XIRP2: variants seen among roughly 807,000 people sequenced by gnomAD.
The protein encoded by XIRP2 is xin actin binding repeat containing 2.
XIRP2 carries 236 observed loss-of-function variants against 277.0 expected under a neutral mutation model. The observed-to-expected ratio is 0.85, with a 90% CI of 0.77 to 0.95. The LOEUF is 0.95. XIRP2 is among the 40% of genes least tolerant of loss of function. The pLI is 0.00. For missense variants in XIRP2, 4,640 were observed against 4,157.5 expected (o/e 1.12, Z -3.19); for synonymous variants, 1,490 against 1,416.5 (o/e 1.05, Z -1.17).
intron 2 of XIRP2, among the ~76,000 whole-genome samples, chr2:166,911,854 C>T (rs568272445): frequency 6.6e-6 from 1 of 152,102 alleles, no homozygotes; most frequent in Non-Finnish European, 1.5e-5. Context: ...TATTTTATTT[C>T]TCCTTCACTT....
intron 2 of XIRP2, among the ~76,000 whole-genome samples, chr2:167,000,954 G>A (rs1687349933): frequency 6.6e-6 from 1 of 152,280 alleles, no homozygotes; most frequent in East Asian, 1.9e-4. Context: ...GGCTGAGGCA[G>A]TAGGATAGCT....
chr2:167,123,622 G>A (rs561211643), intron 2 of XIRP2, among the ~76,000 whole-genome samples: 21 of 152,160 alleles, frequency 1.4e-4, no homozygotes, highest in South Asian at 6.2e-4. Flanking sequence ...GCCTCTCTCC[G>A]TGGCTTGCAG....
At position 167,103,863 on chromosome 2, in the gene XIRP2, T is replaced by C. The variant is rs540825114; in HGVS notation, c.409-32046T>C. The stretch of plus-strand genomic sequence containing the variant: ...GTGAAACTGCAGCCAATTTTAAATG[T>C]AGCTACCCTTATCACTAGACTCTAT... On this transcript the variant is annotated intron_variant, in intron 2 of 10. Transcript: ENST00000409195. Among the ~76,000 whole-genome samples, 28 of 150,610 alleles carry C rather than the reference T, an allele frequency of 1.9e-4. No individual in the cohort carries two copies. The South Asian group carries it at 6.1e-3, about 33-fold the overall frequency.
In XIRP2 at chr2:167,249,253, C is replaced by A; in HGVS notation, c.7861C>A (p.Leu2621Ile). 3 of 1,613,768 alleles carry A rather than the reference C, an allele frequency of 1.9e-6. No individual in the cohort carries two copies. The highest frequency in any genetic ancestry group is 1.1e-5 in the South Asian group (1 of 91,074). ...SPGSQSNARI[L>I]GVCSDNQLST... is the part of the protein sequence containing the mutation. ...AGGCTCTCAAAGTAATGCTCGGATA[C>A]TAGGAGTGTGTTCTGATAACCAACT... is the stretch of plus-strand genomic sequence containing the variant. The change falls in exon 9 of 11, where the codon CTA becomes ATA. Residue 2621 changes from leucine (L) to isoleucine (I), a missense_variant. Physicochemically the swap from Leu to Ile is conservative, Grantham distance 5 (BLOSUM62 2). Coordinates refer to ENST00000409195, the MANE Select transcript of XIRP2 (RefSeq NM_152381.6).
chr2:167,170,998 C>T (rs926209081), intron 3 of XIRP2, among the ~76,000 whole-genome samples: 1 of 146,750 alleles, frequency 6.8e-6, no homozygotes, highest in African/African-American at 2.5e-5. Context: ...CTCCAGGGTT[C>T]AAGTGATTCT....
Position 167,259,275 on chromosome 2 carries a change from C to T in XIRP2, c.*1458C>T. ...CTGAGCCATGAATGTACAGCTAAGC[C>T]TTTGTTTCCCAGAGTGGAGGTGCAG... On this transcript the variant is annotated 3_prime_UTR_variant, in exon 11 of 11. Transcript: ENST00000409195. 6.2e-7 allele frequency: 1 copy of T among 1,613,322 alleles called. No individual in the cohort carries two copies. Among genetic ancestry groups the T allele is most frequent in the Non-Finnish European group, 8.5e-7 (1 of 1,179,588 alleles).
chr2:167,039,824 G>C (rs1688614870), intron 2 of XIRP2, among the ~76,000 whole-genome samples: 1 of 152,076 alleles, frequency 6.6e-6, no homozygotes, highest in Non-Finnish European at 1.5e-5. Flanking sequence ...AAGGCAGTTT[G>C]GTAACGTATT....
intron 3 of XIRP2, among the ~76,000 whole-genome samples, chr2:167,197,995 G>A (rs375474837): frequency 9.9e-5 from 15 of 152,202 alleles, no homozygotes; most frequent in East Asian, 3.9e-4. Context: ...GCATAAATGC[G>A]TTCTTCCATG....
At chr2:167,008,721 C>T (rs1181067501) in intron 2 of XIRP2, among the ~76,000 whole-genome samples, 2 of 151,560 alleles carry the variant, frequency 1.3e-5, no homozygotes, top group Non-Finnish European at 3.0e-5. Flanking sequence ...AAACCTGAAA[C>T]TAAATAAGTA....
At chr2:167,005,492 G>A (rs1486077703) in intron 2 of XIRP2, among the ~76,000 whole-genome samples, 1 of 151,716 alleles carries the variant, frequency 6.6e-6, no homozygotes, top group Non-Finnish European at 1.5e-5. Flanking sequence ...TGAAAATGTT[G>A]AGAATTATTT....
intron 3 of XIRP2, among the ~76,000 whole-genome samples, chr2:167,196,002 C>A (rs2105371544): frequency 6.6e-6 from 1 of 152,220 alleles, no homozygotes; most frequent in Admixed American, 6.5e-5. Flanking sequence ...TCAACATTTT[C>A]CCATAATGTG....
At chr2:167,028,441 C>T (rs573229436) in intron 2 of XIRP2, among the ~76,000 whole-genome samples, 1 of 152,162 alleles carries the variant, frequency 6.6e-6, no homozygotes, top group African/African-American at 2.4e-5. Flanking sequence ...TCTCTCAGAT[C>T]TTACCCAAGG....
chr2:167,145,164 AATATTCT>A (rs1204096425), intron 3 of XIRP2, among the ~76,000 whole-genome samples: 1 of 152,188 alleles, frequency 6.6e-6, no homozygotes, highest in Non-Finnish European at 1.5e-5. Context: ...CATATGCAAT[AATATTCT>A]ATATACTACA....
intron 2 of XIRP2, among the ~76,000 whole-genome samples, chr2:167,073,656 G>T (rs534836769): frequency 1.2e-3 from 177 of 152,160 alleles, no homozygotes; most frequent in Middle Eastern, 3.4e-3. Flanking sequence ...GCTTGAATAA[G>T]GAACAAATAG....
At chr2:167,194,473 T>C (rs2105370025) in intron 3 of XIRP2, among the ~76,000 whole-genome samples, 1 of 152,340 alleles carries the variant, frequency 6.6e-6, no homozygotes, top group South Asian at 2.1e-4. Context: ...CCTTCGTTTT[T>C]ATTTCATTTC....
Position 167,258,271 on chromosome 2 carries a change from T to TA in XIRP2, c.*458dup. 6.2e-7 allele frequency: 1 copy of TA among 1,613,344 alleles called. No individual in the cohort carries two copies. Among genetic ancestry groups the TA allele is most frequent in the South Asian group, 1.1e-5 (1 of 91,052 alleles). On this transcript the variant is annotated 3_prime_UTR_variant, in exon 11 of 11. Transcript: ENST00000409195. ...TGACAACCCTGCTATCCCCTGAATT[T>TA]AAAAGTGAATCTCTGCTAGAAGATG...
intron 2 of XIRP2, among the ~76,000 whole-genome samples, chr2:167,009,352 A>G (rs996039900): frequency 6.6e-6 from 1 of 151,586 alleles, no homozygotes; most frequent in South Asian, 2.1e-4. Context: ...GCTGAGAATG[A>G]TGCTTTCCAA....
At chr2:167,079,611 T>C (rs1157322863) in intron 2 of XIRP2, among the ~76,000 whole-genome samples, 1 of 152,108 alleles carries the variant, frequency 6.6e-6, no homozygotes, top group Non-Finnish European at 1.5e-5. Context: ...CTCAACTTCC[T>C]AGTTTATGTG....
chr2:167,218,121 G>C (rs747303855), intron 4 of XIRP2, 45 bp from the exon 5 acceptor site: 9 of 1,441,236 alleles, frequency 6.2e-6, no homozygotes, highest in Non-Finnish European at 7.3e-6. Flanking sequence ...ATCCCATCCT[G>C]CACAGCTGTA....
Sources: gnomAD v4.1 joint callset for allele counts (sites outside exome capture counted in the v4.1 genomes callset) on GRCh38, gnomAD v4.1.1 for gene constraint, MANE v1.5 for transcripts, NCBI Gene and HGNC (gene_info 2026-07-23, HGNC 2026-07-21) for gene names.